OSBPL3: variants seen among roughly 807,000 people sequenced by gnomAD.
The protein encoded by OSBPL3 is oxysterol-binding protein-related protein 3.
A neutral mutation model predicts 120.1 loss-of-function variants in OSBPL3; 65 were observed. The observed-to-expected ratio is 0.54, with a 90% CI of 0.44 to 0.67. The LOEUF (loss-of-function observed/expected upper bound fraction) is 0.67, where lower values mean the gene tolerates loss of function less well. OSBPL3 is among the 30% of genes least tolerant of loss of function. OSBPL3 has a pLI of 0.00. For synonymous variants in OSBPL3, 416 were observed against 402.6 expected (o/e 1.03, Z -0.40); for missense variants, 1,004 against 1,082.1 (o/e 0.93, Z 1.01).
chr7:24,917,444 T>C (rs1054220258), intron 1 of OSBPL3, among the ~76,000 whole-genome samples: 2 of 114,276 alleles, frequency 1.8e-5, no homozygotes, highest in African/African-American at 3.7e-5. Context: ...CATATATATA[T>C]ATACACACAC....
At chr7:24,942,024 C>A (rs1015636236) in intron 1 of OSBPL3, among the ~76,000 whole-genome samples, 1 of 152,152 alleles carries the variant, frequency 6.6e-6, no homozygotes, top group Admixed American at 6.5e-5. Flanking sequence ...TAACACATAA[C>A]GCAACAGAAA....
In OSBPL3 at chr7:24,815,644, T is replaced by C. The variant is rs543138727; in HGVS notation, c.2028-441A>G. Among the ~76,000 whole-genome samples, 14 of 152,378 alleles carry C rather than the reference T, an allele frequency of 9.2e-5. No homozygotes were observed. Among genetic ancestry groups the C allele is most frequent in the South Asian group, 8.3e-4 (4 of 4,832 alleles). On this transcript the variant is annotated intron_variant, in intron 18 of 22. Transcript: ENST00000313367. This position sits in a 1 kb window ranked among gnomAD's most constrained non-coding sequence, Gnocchi z 5.1. ...TGAGAAAGTATTCAGATATTACTTA[T>C]GGAATTCAATAATTACGAGGAAAAT...
intron 1 of OSBPL3, among the ~76,000 whole-genome samples, chr7:24,910,002 C>T (rs945404849): frequency 6.6e-6 from 1 of 151,794 alleles, no homozygotes; most frequent in Non-Finnish European, 1.5e-5. Context: ...GATGGGGTTT[C>T]GCCATGTTGG....
rs866100342 is a variant in OSBPL3, at chr7:24,817,482, G to A, written c.1949-794C>T. Among the ~76,000 whole-genome samples, 1 of 152,198 alleles carries A rather than the reference G, an allele frequency of 6.6e-6. No homozygotes were observed. The highest frequency in any genetic ancestry group is 3.4e-3 in the Middle Eastern group (1 of 294). On this transcript the variant is annotated intron_variant, in intron 17 of 22. Coordinates refer to ENST00000313367, the MANE Select transcript of OSBPL3 (RefSeq NM_015550.4). The surrounding 1 kb of genome is among the most constrained non-coding windows in gnomAD (Gnocchi z 4.0). Reference sequence around the variant, plus strand: ...GATCATGCCATTGCACTCCAGCCTGGGTGATGGAGTGAGATTCTGCCAAAA... The same window carrying A: ...GATCATGCCATTGCACTCCAGCCTGAGTGATGGAGTGAGATTCTGCCAAAA...
rs1431872159 is a variant in OSBPL3, at chr7:24,819,460, G to A, written c.1948+715C>T. ...TCACTTTAAACTGGAAATACTGATT[G>A]CCTCCAAAGAGAGAAACTGAGTGGC... On this transcript the variant is annotated intron_variant, in intron 17 of 22. Coordinates refer to ENST00000313367, the MANE Select transcript of OSBPL3 (RefSeq NM_015550.4). The surrounding 1 kb of genome is among the most constrained non-coding windows in gnomAD (Gnocchi z 4.1). Among the ~76,000 whole-genome samples the A allele has an allele frequency of 6.6e-6, 1 of 152,090 alleles. No individual in the cohort carries two copies. Among genetic ancestry groups the A allele is most frequent in the African/African-American group, 2.4e-5 (1 of 41,414 alleles).
Position 24,807,571 on chromosome 7 carries a change from C to G in OSBPL3, c.2318-669G>C, listed in dbSNP as rs376637200. Among the ~76,000 whole-genome samples the G allele has an allele frequency of 2.0e-4, 30 of 152,192 alleles. 1 individual carries two copies. Among genetic ancestry groups the G allele is most frequent in the Admixed American group, 7.8e-4 (12 of 15,292 alleles). Reference sequence around the variant, plus strand: ...AGCTCTGGGTCCATTTTTCCTGATTCTCACTCTAGAGAATCTGTTTTTGAT... The same window carrying G: ...AGCTCTGGGTCCATTTTTCCTGATTGTCACTCTAGAGAATCTGTTTTTGAT... On this transcript the variant is annotated intron_variant, in intron 20 of 22. Transcript: ENST00000313367.
chr7:24,908,744 A>T (rs925462311), intron 1 of OSBPL3, among the ~76,000 whole-genome samples: 2 of 152,200 alleles, frequency 1.3e-5, no homozygotes, highest in African/African-American at 4.8e-5. Context: ...TTTAAAAAGA[A>T]ATTACTGATG....
At chr7:24,828,611 AAAAAAAAAAAG>A (rs1464612634) in intron 16 of OSBPL3, among the ~76,000 whole-genome samples, 2 of 126,846 alleles carry the variant, frequency 1.6e-5, no homozygotes, top group Non-Finnish European at 3.1e-5. Context: ...TGTCTGAAAA[AAAAAAAAAAAG>A]AAAAAAAAAA....
At chr7:24,800,978 C>T (rs1584152924) in intron 22 of OSBPL3, among the ~76,000 whole-genome samples, 1 of 148,668 alleles carries the variant, frequency 6.7e-6, no homozygotes, top group African/African-American at 2.5e-5. Flanking sequence ...TGTGGTGGCT[C>T]ACGCCTGTAA....
In OSBPL3 at chr7:24,849,969, A is replaced by C. The variant is rs1798939094; in HGVS notation, c.1159-793T>G. Among the ~76,000 whole-genome samples the C allele has an allele frequency of 6.6e-6, 1 of 151,844 alleles. No individual in the cohort carries two copies. Among genetic ancestry groups the C allele is most frequent in the African/African-American group, 2.4e-5 (1 of 41,350 alleles). ...ACGAAAAAAAAAAAAAGAAATAAAG[A>C]AAGTGTGCTGTGTGCTGGGAAGTAG... On this transcript the variant is annotated intron_variant, in intron 11 of 22. Transcript: ENST00000313367. This position sits in a 1 kb window ranked among gnomAD's most constrained non-coding sequence, Gnocchi z 5.4.
At chr7:24,828,606 G>GAAAAAAAAAAAAA (rs1190652256) in intron 16 of OSBPL3, among the ~76,000 whole-genome samples, 10 of 32,544 alleles carry the variant, frequency 3.1e-4, no homozygotes, top group Non-Finnish European at 4.2e-4. Flanking sequence ...GACTCTGTCT[G>GAAAAAAAAAAAAA]AAAAAAAAAA....
intron 2 of OSBPL3, among the ~76,000 whole-genome samples, chr7:24,878,862 G>A (rs575013150): frequency 6.6e-6 from 1 of 152,342 alleles, no homozygotes; most frequent in African/African-American, 2.4e-5. Flanking sequence ...GGAGGCCTGA[G>A]ATTCTGCACC....
chr7:24,806,940 G>A lies in OSBPL3; in HGVS notation c.2318-38C>T. On this transcript the variant is annotated intron_variant, in intron 20 of 22. Transcript: ENST00000313367. This position sits in a 1 kb window ranked among gnomAD's most constrained non-coding sequence, Gnocchi z 5.2. ...TAAATCATTCACCCCTAACTTGCAT[G>A]TTACTTATGTTACATTTTAATTCCT... 2 of 1,530,362 alleles carry A rather than the reference G, an allele frequency of 1.3e-6. No individual in the cohort carries two copies. Among genetic ancestry groups the A allele is most frequent in the Non-Finnish European group, 1.8e-6 (2 of 1,132,128 alleles). 94.8% of individuals were successfully genotyped at this position (1,530,362 alleles called of 1,614,324 possible). A position where few individuals can be genotyped will look rare whatever the true frequency, so the allele number is the denominator to read the frequency against.
chr7:24,918,113 C>G lies in OSBPL3; in HGVS notation c.-149-25492G>C, dbSNP rs1809938149. ...ACAGGTGCTGTTTCTCAGTGTGTATCAGGCTCACAGCAGCCAGTAATGACA... is the reference window on the plus strand; with the variant it reads ...ACAGGTGCTGTTTCTCAGTGTGTATGAGGCTCACAGCAGCCAGTAATGACA... On this transcript the variant is annotated intron_variant, in intron 1 of 22. Coordinates refer to ENST00000313367, the MANE Select transcript of OSBPL3 (RefSeq NM_015550.4). The surrounding 1 kb of genome is among the most constrained non-coding windows in gnomAD (Gnocchi z 4.3). 2 of 981,782 alleles carry G rather than the reference C, an allele frequency of 2.0e-6. 1 individual carries two copies. The highest frequency in any genetic ancestry group is 9.4e-5 in the South Asian group (2 of 21,222). The allele number at this position is 981,782 out of a possible 1,614,324, so 60.8% of individuals were successfully genotyped here.
At chr7:24,919,723 G>A (rs1347377247) in intron 1 of OSBPL3, among the ~76,000 whole-genome samples, 1 of 150,110 alleles carries the variant, frequency 6.7e-6, no homozygotes, top group Non-Finnish European at 1.5e-5. Flanking sequence ...AAAATAAAAA[G>A]GCAATCCACA....
chr7:24,829,582 T>C (rs948603382), intron 16 of OSBPL3, among the ~76,000 whole-genome samples: 1 of 152,006 alleles, frequency 6.6e-6, no homozygotes, highest in Non-Finnish European at 1.5e-5. Context: ...CCACCCCCCT[T>C]CTCCTCAGTT....
intron 12 of OSBPL3, among the ~76,000 whole-genome samples, chr7:24,848,328 A>G (rs562509107): frequency 6.6e-6 from 1 of 152,354 alleles, no homozygotes; most frequent in African/African-American, 2.4e-5. Context: ...AAGTGTACTC[A>G]GTCTAATTCA....
intron 12 of OSBPL3, among the ~76,000 whole-genome samples, chr7:24,847,287 A>G (rs1177498563): frequency 6.6e-6 from 1 of 152,174 alleles, no homozygotes; most frequent in Non-Finnish European, 1.5e-5. Context: ...GAAGGCAACA[A>G]TAACTTTACC....
rs1017532815 is a variant in OSBPL3, at chr7:24,937,483, C to T, written c.-150+42403G>A. 6.6e-6 allele frequency among the ~76,000 whole-genome samples: 1 copy of T among 152,140 alleles called. No individual in the cohort carries two copies. The highest frequency in any genetic ancestry group is 2.4e-5 in the African/African-American group (1 of 41,428). On this transcript the variant is annotated intron_variant, in intron 1 of 22. Coordinates refer to ENST00000313367, the MANE Select transcript of OSBPL3 (RefSeq NM_015550.4). This position sits in a 1 kb window ranked among gnomAD's most constrained non-coding sequence, Gnocchi z 4.0. ...CATAAGGATACATATAGTTTTAGTT[C>T]TTTCTGCTTTATAGAATTTAATTTA...
Sources: gnomAD v4.1 joint callset for allele counts (sites outside exome capture counted in the v4.1 genomes callset) on GRCh38, gnomAD v4.1.1 for gene constraint, Gnocchi (gnomAD v3.1) non-coding constraint, MANE v1.5 for transcripts, NCBI Gene and HGNC (gene_info 2026-07-23, HGNC 2026-07-21) for gene names.